Variants in TENM3 observed in about 807,000 individuals in gnomAD.
The protein encoded by TENM3 is teneurin-3.
Under a neutral mutation model 255.1 loss-of-function variants are expected in TENM3, and 63 were observed. The observed-to-expected ratio is 0.25, with a 90% CI of 0.20 to 0.30. The LOEUF (loss-of-function observed/expected upper bound fraction) is 0.30. Among genes scored for constraint, TENM3 ranks in the 10% least tolerant of loss-of-function variants. The probability of loss-of-function intolerance (pLI) is 1.00; values close to 1 mark genes in which losing one functional copy is unlikely to be tolerated. For missense variants in TENM3, 2,929 were observed against 3,461.1 expected, an observed-to-expected ratio of 0.85 and a Z score of 3.86; for synonymous variants, 1,306 against 1,322.3, an observed-to-expected ratio of 0.99 and a Z score of 0.27.
the TENM3 span, among the ~76,000 whole-genome samples, chr4:181,733,523 C>T: frequency 1.3e-5 from 2 of 152,160 alleles, no homozygotes; most frequent in African/African-American, 2.4e-5. Flanking sequence ...CCTTAGATAA[C>T]GCTTGAGCAT....
the TENM3 span, among the ~76,000 whole-genome samples, chr4:181,770,107 G>T: frequency 5.3e-5 from 8 of 152,224 alleles, no homozygotes; most frequent in East Asian, 1.5e-3. Flanking sequence ...GGGGCTGGGG[G>T]GTTAGTGTGG....
At chr4:181,972,436 CAAAAAAAA>C in the TENM3 span, among the ~76,000 whole-genome samples, 5 of 115,164 alleles carry the variant, frequency 4.3e-5, no homozygotes, top group Admixed American at 9.8e-5. Context: ...CCTCCTTGTC[CAAAAAAAA>C]AAAAAAAAAA....
chr4:181,767,011 G>A, the TENM3 span, among the ~76,000 whole-genome samples: 1 of 150,308 alleles, frequency 6.7e-6, no homozygotes, highest in Non-Finnish European at 1.5e-5. Context: ...CCAGCACTTT[G>A]GGAGGCCGAG....
At chr4:182,509,776 A>G (rs1004102039) in intron 3 of TENM3, among the ~76,000 whole-genome samples, 1 of 152,052 alleles carries the variant, frequency 6.6e-6, no homozygotes, top group Non-Finnish European at 1.5e-5. Flanking sequence ...CATCTCTACT[A>G]AAAATACAAA....
chr4:182,324,338 G>C (rs1347964321), intron 2 of TENM3, 86 bp downstream of exon 2: 1 of 1,008,784 alleles, frequency 9.9e-7, no homozygotes, highest in Non-Finnish European at 1.6e-6. Flanking sequence ...TGACATGTCT[G>C]TTTTCTGACT....
the TENM3 span, among the ~76,000 whole-genome samples, chr4:181,455,140 A>G: frequency 6.6e-6 from 1 of 152,140 alleles, no homozygotes; most frequent in Non-Finnish European, 1.5e-5. Context: ...AAGAGAACTT[A>G]TGATAGGTTA....
chr4:181,928,061 G>A, the TENM3 span, among the ~76,000 whole-genome samples: 7 of 152,056 alleles, frequency 4.6e-5, no homozygotes, highest in African/African-American at 9.7e-5. Flanking sequence ...ATAAATCCAC[G>A]AAGATGAGGA....
chr4:181,852,500 A>G, the TENM3 span, among the ~76,000 whole-genome samples: 2 of 152,160 alleles, frequency 1.3e-5, no homozygotes, highest in Non-Finnish European at 2.9e-5. Flanking sequence ...CAAAAAACAA[A>G]ATCTGGCCTT....
chr4:182,106,550 A>G, the TENM3 span, among the ~76,000 whole-genome samples: 1 of 152,178 alleles, frequency 6.6e-6, no homozygotes, highest in East Asian at 1.9e-4. Context: ...TTGGCCATCA[A>G]ACTAAATGTC....
the TENM3 span, among the ~76,000 whole-genome samples, chr4:181,604,852 G>C: frequency 1.3e-5 from 2 of 152,204 alleles, no homozygotes; most frequent in Non-Finnish European, 2.9e-5. Flanking sequence ...CATCTCAGCT[G>C]TCTGAGACGT....
At chr4:181,967,005 C>T in the TENM3 span, among the ~76,000 whole-genome samples, 71 of 151,776 alleles carry the variant, frequency 4.7e-4, no homozygotes, top group African/African-American at 1.6e-3. Context: ...CTCTCTCTCT[C>T]GCTCTCTCTC....
chr4:181,944,060 G>C, the TENM3 span, among the ~76,000 whole-genome samples: 281 of 152,168 alleles, frequency 1.8e-3, 1 homozygote, highest in African/African-American at 6.3e-3. Flanking sequence ...TTGTCTCTAG[G>C]CACCAGGAGC....
rs75868345 is a variant in TENM3, at chr4:182,585,042, T to C, written c.512-15882T>C. On this transcript the variant is annotated intron_variant, in intron 3 of 27. Coordinates refer to ENST00000511685, the MANE Select transcript of TENM3 (RefSeq NM_001080477.4). The stretch of plus-strand genomic sequence containing the variant: ...ATGGATATACTAACATGTAAACATC[T>C]TTTTTTCCTAAAAGAAATACGGCAA... Among the ~76,000 whole-genome samples the C allele has an allele frequency of 6.8e-3, 1,041 of 152,292 alleles. 39 individuals carry two copies. The East Asian group carries it at 0.08, about 12-fold the overall frequency.
chr4:182,520,974 A>G (rs930908883), intron 3 of TENM3, among the ~76,000 whole-genome samples: 5 of 152,162 alleles, frequency 3.3e-5, no homozygotes, highest in Non-Finnish European at 7.4e-5. Context: ...AAGTTCAAAT[A>G]TATGTCAGAC....
chr4:182,227,707 G>A (rs1234906892), intron 1 of TENM3, among the ~76,000 whole-genome samples: 2 of 150,726 alleles, frequency 1.3e-5, no homozygotes, highest in Non-Finnish European at 2.9e-5. Flanking sequence ...GTGGCTTCCG[G>A]GCAAAGAAGA....
chr4:182,721,104 A>G (rs537111121), intron 13 of TENM3, among the ~76,000 whole-genome samples: 91 of 152,236 alleles, frequency 6.0e-4, no homozygotes, highest in Admixed American at 2.6e-3. Flanking sequence ...CGTGCCCAGC[A>G]GCTGCCACCT....
intron 22 of TENM3, among the ~76,000 whole-genome samples, chr4:182,764,025 C>T (rs1194239518): frequency 6.6e-6 from 1 of 152,200 alleles, no homozygotes; most frequent in Non-Finnish European, 1.5e-5. Context: ...TAACCACAAG[C>T]ATAGGTAATC....
chr4:181,524,711 G>A, the TENM3 span, among the ~76,000 whole-genome samples: 1 of 152,138 alleles, frequency 6.6e-6, no homozygotes, highest in Admixed American at 6.5e-5. Context: ...CAGAACAGGG[G>A]CCATTAATCC....
chr4:181,849,540 TACTC>T, the TENM3 span, among the ~76,000 whole-genome samples: 8 of 152,216 alleles, frequency 5.3e-5, no homozygotes, highest in Non-Finnish European at 1.0e-4. Context: ...GTACTTTACA[TACTC>T]ACACACTAAA....
Sources: allele counts gnomAD v4.1 joint callset (sites outside exome capture counted in the v4.1 genomes callset), GRCh38; gene constraint gnomAD v4.1.1; transcripts MANE v1.5; gene names NCBI Gene and HGNC (gene_info 2026-07-23, HGNC 2026-07-21).